The following DOCK3 variants were observed in gnomAD, a reference collection of about 807,000 sequenced individuals.
DOCK3 encodes dedicator of cytokinesis 3.
DOCK3 carries 60 observed loss-of-function variants against 265.6 expected under a neutral mutation model. The observed-to-expected ratio is 0.23, with a 90% confidence interval of 0.18 to 0.28. DOCK3 has a LOEUF of 0.28. DOCK3 is among the 10% of genes least tolerant of loss of function. The pLI, the probability that DOCK3 is intolerant of heterozygous loss-of-function variation, is 1.00. For synonymous variants in DOCK3, 881 were observed against 938.0 expected (o/e 0.94, Z 1.11); for missense variants, 1,981 against 2,594.3 (o/e 0.76, Z 5.14).
intron 7 of DOCK3, among the ~76,000 whole-genome samples, chr3:51,080,515 G>C (rs1318191726): frequency 6.6e-6 from 1 of 152,184 alleles, no homozygotes; most frequent in East Asian, 1.9e-4. Context: ...CTGAAGTCTG[G>C]TTGACAAGAG....
At chr3:50,916,287 T>C (rs1219965181) in intron 4 of DOCK3, among the ~76,000 whole-genome samples, 3 of 152,006 alleles carry the variant, frequency 2.0e-5, no homozygotes, top group East Asian at 1.9e-4. Context: ...GATAAGTCGC[T>C]CTGTCGCCCA....
intron 4 of DOCK3, among the ~76,000 whole-genome samples, chr3:50,892,495 C>A (rs1292788799): frequency 1.3e-5 from 2 of 152,068 alleles, no homozygotes; most frequent in Non-Finnish European, 2.9e-5. Context: ...AGTCCCTTCT[C>A]CCAGCTGGTT....
At chr3:51,035,108 G>A (rs1196115491) in intron 5 of DOCK3, among the ~76,000 whole-genome samples, 1 of 152,040 alleles carries the variant, frequency 6.6e-6, no homozygotes, top group East Asian at 1.9e-4. Context: ...TGCATTTCTT[G>A]TAGTTTAGAA....
rs541979651 is a variant in DOCK3, at chr3:50,927,603, A to T, written c.219-6378A>T. Among the ~76,000 whole-genome samples the T allele has an allele frequency of 1.8e-4, 27 of 152,314 alleles. No individual in the cohort carries two copies. The South Asian group carries it at 4.6e-3, about 26-fold the overall frequency. The stretch of plus-strand genomic sequence containing the variant: ...AAATAAGTACTACATGGGAAATTTT[A>T]AAAAAGGCTACTGTCTCTGGAAATT... On this transcript the variant is annotated intron_variant, in intron 4 of 52. Transcript: ENST00000266037.
chr3:50,872,225 GATTT>G (rs1236265877), intron 3 of DOCK3, among the ~76,000 whole-genome samples: 1 of 152,222 alleles, frequency 6.6e-6, no homozygotes, highest in African/African-American at 2.4e-5. Context: ...TGGATGTTGT[GATTT>G]AAGCTGTGTC....
chr3:51,166,501 G>A (rs2086415605), intron 12 of DOCK3, among the ~76,000 whole-genome samples: 1 of 152,186 alleles, frequency 6.6e-6, no homozygotes, highest in Admixed American at 6.5e-5. Flanking sequence ...TGCGATTGCT[G>A]GATCAAATAG....
intron 4 of DOCK3, among the ~76,000 whole-genome samples, chr3:50,923,987 A>G (rs2108064803): frequency 6.6e-6 from 1 of 152,334 alleles, no homozygotes; most frequent in South Asian, 2.1e-4. Context: ...AACCAATGCC[A>G]AAACTGCTGC....
chr3:50,747,241 A>T (rs1330638063), intron 1 of DOCK3, among the ~76,000 whole-genome samples: 1 of 152,230 alleles, frequency 6.6e-6, no homozygotes, highest in East Asian at 1.9e-4. Flanking sequence ...TCTTGAGATC[A>T]GGTAGTGTTA....
intron 5 of DOCK3, among the ~76,000 whole-genome samples, chr3:50,953,687 G>T (rs988089158): frequency 1.3e-5 from 2 of 152,028 alleles, no homozygotes; most frequent in East Asian, 1.9e-4. Flanking sequence ...GTTAACGTTC[G>T]TCTGACTATT....
chr3:50,789,698 C>T (rs2042364372), intron 2 of DOCK3, among the ~76,000 whole-genome samples: 1 of 152,050 alleles, frequency 6.6e-6, no homozygotes, highest in South Asian at 2.1e-4. Flanking sequence ...TGATATTTTC[C>T]TGTTGGACTA....
At position 51,229,553 on chromosome 3, in the gene DOCK3, C is replaced by G. The variant is rs369862076; in HGVS notation, c.1861C>G (p.Arg621Gly). Reference sequence around the variant, plus strand: ...GCTGAAGTGGAAAGCCTTCCCCGACCGGATCATGGATGTACTAGGGCGGCT... The same window carrying G: ...GCTGAAGTGGAAAGCCTTCCCCGACGGGATCATGGATGTACTAGGGCGGCT... ...ALLKWKAFPD[R>G]IMDVLGRLRH... The change falls in exon 19 of 53, where the codon CGG becomes GGG. Residue 621 changes from arginine (R) to glycine (G), a missense_variant. Transcript: ENST00000266037. 6 of 1,607,338 alleles carry G rather than the reference C, an allele frequency of 3.7e-6. No homozygotes were observed. The highest frequency in any genetic ancestry group is 1.3e-5 in the African/African-American group (1 of 74,590).
At position 51,310,472 on chromosome 3, in the gene DOCK3, AT is replaced by A. The variant is rs926101484; in HGVS notation, c.3017+151del. 23 of 717,082 alleles carry A rather than the reference AT, an allele frequency of 3.2e-5. No homozygotes were observed. The African/African-American group carries it at 3.7e-4, about 12-fold the overall frequency. The allele number at this position is 717,082 out of a possible 1,614,324, so 44.4% of individuals were successfully genotyped here. On this transcript the variant is annotated intron_variant, in intron 28 of 52. Coordinates refer to ENST00000266037, the MANE Select transcript of DOCK3 (RefSeq NM_004947.5). Reference sequence around the variant, plus strand: ...AGAGGAGAGGGCAAATGAGAAAAACATTTTTGTGCTTAGTAGATGATGGCAC... The same window carrying A: ...AGAGGAGAGGGCAAATGAGAAAAACATTTTGTGCTTAGTAGATGATGGCAC...
intron 10 of DOCK3, among the ~76,000 whole-genome samples, chr3:51,158,397 A>C (rs544176079): frequency 6.6e-6 from 1 of 152,134 alleles, no homozygotes; most frequent in Non-Finnish European, 1.5e-5. Flanking sequence ...AATTTTAAAA[A>C]TAGCTGGGCA....
chr3:50,961,410 A>G (rs2076882537), intron 5 of DOCK3, among the ~76,000 whole-genome samples: 1 of 152,208 alleles, frequency 6.6e-6, no homozygotes, highest in Non-Finnish European at 1.5e-5. Flanking sequence ...CTGGTGGTGC[A>G]TTGCTAGTTT....
At chr3:50,688,395 C>T (rs1162848895) in intron 1 of DOCK3, among the ~76,000 whole-genome samples, 1 of 152,080 alleles carries the variant, frequency 6.6e-6, no homozygotes, top group Admixed American at 6.6e-5. Context: ...ATACAAAGCA[C>T]TTGGAGAATG....
In DOCK3 at chr3:51,374,636, T is replaced by C. The variant is rs766020812; in HGVS notation, c.5412+49T>C. The stretch of plus-strand genomic sequence containing the variant: ...GTCCTCTGCTGCAAGTGTGTTAGCC[T>C]GTGCTTCCCTCCTTGCATTTGCGGG... On this transcript the variant is annotated intron_variant, in intron 50 of 52. Coordinates refer to ENST00000266037, the MANE Select transcript of DOCK3 (RefSeq NM_004947.5). The surrounding 1 kb of genome is among the most constrained non-coding windows in gnomAD (Gnocchi z 4.8). The C allele has an allele frequency of 5.3e-6, 8 of 1,522,956 alleles. No individual in the cohort carries two copies. In the Admixed American group the frequency reaches 7.4e-5, roughly 14 times the overall value. The allele number at this position is 1,522,956 out of a possible 1,614,324, so 94.3% of individuals were successfully genotyped here.
intron 5 of DOCK3, among the ~76,000 whole-genome samples, chr3:51,016,572 TA>T (rs2079269463): frequency 1.1e-5 from 1 of 91,342 alleles, no homozygotes; most frequent in African/African-American, 4.6e-5. Context: ...ATTATATATA[TA>T]TTTATATATA....
At chr3:50,678,709 A>G (rs894536320) in intron 1 of DOCK3, among the ~76,000 whole-genome samples, 2 of 151,370 alleles carry the variant, frequency 1.3e-5, no homozygotes, top group Non-Finnish European at 2.9e-5. Context: ...CGGCATGATC[A>G]TAGCTTACTG....
chr3:51,304,650 A>G (rs1259582287), intron 27 of DOCK3, among the ~76,000 whole-genome samples: 4 of 152,170 alleles, frequency 2.6e-5, no homozygotes, highest in African/African-American at 9.7e-5. Flanking sequence ...ATCTGTGGAA[A>G]AAGCATGGTT....
Sources: allele counts gnomAD v4.1 joint callset (sites outside exome capture counted in the v4.1 genomes callset), GRCh38; gene constraint gnomAD v4.1.1; non-coding constraint Gnocchi (gnomAD v3.1); transcripts MANE v1.5; gene names NCBI Gene and HGNC (gene_info 2026-07-23, HGNC 2026-07-21).